Variants in PTK2B observed in about 807,000 individuals in gnomAD.
PTK2B encodes protein tyrosine kinase 2 beta.
PTK2B carries 71 observed loss-of-function variants against 142.9 expected under a neutral mutation model. The observed-to-expected ratio is 0.50, with a 90% CI of 0.41 to 0.61. PTK2B has a LOEUF of 0.61. PTK2B is among the 20% of genes least tolerant of loss of function. PTK2B has a pLI of 0.00. For missense variants in PTK2B, 1,105 were observed against 1,320.4 expected, an observed-to-expected ratio of 0.84 and a Z score of 2.53; for synonymous variants, 519 against 503.4, an observed-to-expected ratio of 1.03 and a Z score of -0.42.
At chr8:27,378,276 C>T (rs1806788738) in intron 1 of PTK2B, among the ~76,000 whole-genome samples, 1 of 152,186 alleles carries the variant, frequency 6.6e-6, no homozygotes, top group Non-Finnish European at 1.5e-5. Context: ...AAATCTAGTC[C>T]AGGGGCTTTA....
rs1281085991 is a variant in PTK2B, at chr8:27,439,362, C to T, written c.1798C>T (p.Arg600Ter). The change falls in exon 20 of 31, where the codon CGA (arginine) becomes TGA (stop). Residue 600 changes from arginine to a stop codon, truncating the protein, a stop_gained. Transcript: ENST00000346049. LOFTEE classifies it high-confidence loss of function. Reference protein sequence around the residue: ...KWMSPESINFRRFTTASDVWM... With the variant: ...KWMSPESINF ...GATGTCCCCAGAGTCCATTAACTTC[C>T]GACGCTTCACGACAGCCAGTGACGT... The T allele has an allele frequency of 8.7e-6, 14 of 1,613,932 alleles. No homozygotes were observed. The highest frequency in any genetic ancestry group is 1.1e-5 in the South Asian group (1 of 91,080).
intron 1 of PTK2B, among the ~76,000 whole-genome samples, chr8:27,326,248 G>C (rs962140458): frequency 3.9e-5 from 6 of 152,044 alleles, no homozygotes; most frequent in Non-Finnish European, 7.4e-5. Context: ...GTGTGTGTGT[G>C]TGTGTGTGTG....
intron 22 of PTK2B, among the ~76,000 whole-genome samples, chr8:27,443,185 A>G (rs1811265695): frequency 6.6e-6 from 1 of 152,242 alleles, no homozygotes; most frequent in Non-Finnish European, 1.5e-5. Flanking sequence ...CTTGTGGGAT[A>G]GCTGGGTCAA....
exon 1 of PTK2B, chr8:27,311,586 C>G: frequency 3.1e-6 from 1 of 325,744 alleles, no homozygotes; most frequent in Middle Eastern, 8.2e-4. Flanking sequence ...AACCTACTTC[C>G]GGCTGCAAAT....
At chr8:27,326,226 A>ATGTGTGTGTGTGTGTGTGTG (rs4054914) in intron 1 of PTK2B, among the ~76,000 whole-genome samples, 1 of 146,694 alleles carries the variant, frequency 6.8e-6, no homozygotes, top group East Asian at 2.1e-4. Flanking sequence ...GCTCGTGTGT[A>ATGTGTGTGTGTGTGTGTGTG]TGTGTGTGTG....
chr8:27,430,049 A>G, intron 5 of PTK2B, 44 bp from the exon 6 acceptor site: 1 of 1,573,650 alleles, frequency 6.4e-7, no homozygotes, highest in Non-Finnish European at 8.7e-7. Flanking sequence ...TGACTGCCTC[A>G]TTCTCCAGCC....
chr8:27,345,519 A>G (rs144028591), intron 1 of PTK2B, among the ~76,000 whole-genome samples: 556 of 152,176 alleles, frequency 3.7e-3, no homozygotes, highest in African/African-American at 0.013. Context: ...CTGGAGGACA[A>G]CCCCTCTTGG....
At chr8:27,350,560 G>T (rs530226072) in intron 1 of PTK2B, among the ~76,000 whole-genome samples, 3 of 134,216 alleles carry the variant, frequency 2.2e-5, no homozygotes, top group African/African-American at 7.5e-5. Flanking sequence ...TGACTTCAGG[G>T]CAAAGATCAG....
chr8:27,351,876 C>T (rs761966258), intron 1 of PTK2B, among the ~76,000 whole-genome samples: 31 of 152,214 alleles, frequency 2.0e-4, no homozygotes, highest in Admixed American at 7.9e-4. Flanking sequence ...CCACTTCCCA[C>T]GTAGCCCATC....
chr8:27,399,913 T>C (rs1808273296), intron 2 of PTK2B, among the ~76,000 whole-genome samples: 1 of 152,170 alleles, frequency 6.6e-6, no homozygotes, highest in Non-Finnish European at 1.5e-5. Context: ...CCGGGGATCA[T>C]GCTGTAAGGA....
intron 2 of PTK2B, among the ~76,000 whole-genome samples, chr8:27,400,202 A>G (rs377192531): frequency 1.3e-5 from 2 of 152,246 alleles, no homozygotes; most frequent in African/African-American, 4.8e-5. Context: ...TGTGTGGTCA[A>G]AAAGATTGGG....
chr8:27,310,993 C>A, upstream of PTK2B: 1 of 1,611,976 alleles, frequency 6.2e-7, no homozygotes, highest in South Asian at 1.1e-5. Flanking sequence ...CGCGCAGCAG[C>A]TTCTCCACCA....
rs866658567 is a variant in PTK2B, at chr8:27,446,002, G to A, written c.2340+83G>A. ...TGGCCGGGGACACTGGAAACCCCAC[G>A]TCCTCAGCTCAGGAGGGCCCTTCCT... is the stretch of plus-strand genomic sequence containing the variant. On this transcript the variant is annotated intron_variant, in intron 24 of 30. Transcript: ENST00000346049. 63 of 1,572,964 alleles carry A rather than the reference G, an allele frequency of 4.0e-5. No homozygotes were observed. In the South Asian group the frequency reaches 4.9e-4, roughly 12 times the overall value.
Position 27,437,443 on chromosome 8 carries a change from A to C in PTK2B, c.1474A>C (p.Ile492Leu). ...DHPHIVKLIG[I>L]IEEEPTWIIM... The stretch of plus-strand genomic sequence containing the variant: ...CCCGCACATCGTGAAGCTGATCGGC[A>C]TCATTGAAGAGGAGCCCACCTGGAT... Residue 492 changes from isoleucine (I) to leucine (L), a missense_variant, in exon 17 of 31, where the codon ATC becomes CTC. Transcript: ENST00000346049. The C allele has an allele frequency of 6.2e-7, 1 of 1,613,544 alleles. No homozygotes were observed. The highest frequency in any genetic ancestry group is 8.5e-7 in the Non-Finnish European group (1 of 1,179,718).
At chr8:27,415,552 G>A (rs1271669078) in intron 2 of PTK2B, among the ~76,000 whole-genome samples, 1 of 152,166 alleles carries the variant, frequency 6.6e-6, no homozygotes, top group Non-Finnish European at 1.5e-5. Flanking sequence ...AAACTAAAAG[G>A]AAACCTGCTC....
At chr8:27,458,233 C>A (rs1812270821) in intron 30 of PTK2B, 61 bp from the exon 31 acceptor site, 5 of 1,526,504 alleles carry the variant, frequency 3.3e-6, no homozygotes, top group Non-Finnish European at 4.5e-6. Context: ...TCTGTGGCTT[C>A]CCTATCCTCC....
chr8:27,397,482 T>G, intron 1 of PTK2B, 66 bp from the exon 2 acceptor site: 1 of 1,265,348 alleles, frequency 7.9e-7, no homozygotes, highest in Non-Finnish European at 1.1e-6. Context: ...GTGCTGTCCC[T>G]GGGGCCATGA....
intron 2 of PTK2B, among the ~76,000 whole-genome samples, chr8:27,419,103 G>A (rs1308447760): frequency 2.0e-5 from 3 of 152,186 alleles, no homozygotes; most frequent in Non-Finnish European, 4.4e-5. Context: ...GCAGCTGCCC[G>A]GTTGGCCCAC....
At chr8:27,446,029 T>G in intron 24 of PTK2B, 110 bp downstream of exon 24, 1 of 1,464,006 alleles carries the variant, frequency 6.8e-7, no homozygotes, top group Non-Finnish European at 9.3e-7. Context: ...GCCCTTCCTG[T>G]TCCCATGCAC....
Sources: gnomAD v4.1 joint callset for allele counts (sites outside exome capture counted in the v4.1 genomes callset) on GRCh38, gnomAD v4.1.1 for gene constraint, MANE v1.5 for transcripts, NCBI Gene and HGNC (gene_info 2026-07-23, HGNC 2026-07-21) for gene names.